The following ATP11A variants were observed in gnomAD, a reference collection of about 807,000 sequenced individuals.
ATP11A encodes ATPase phospholipid transporting 11A.
A neutral mutation model predicts 154.4 loss-of-function variants in ATP11A; 81 were observed. The ratio of observed to expected loss-of-function variants is 0.52; its 90% CI spans 0.44 to 0.63. The LOEUF (loss-of-function observed/expected upper bound fraction) is 0.63. Among genes scored for constraint, ATP11A ranks in the 30% least tolerant of loss-of-function variants. The pLI, the probability that ATP11A is intolerant of heterozygous loss-of-function variation, is 0.00. For missense variants in ATP11A, 1,316 were observed against 1,474.3 expected, an observed-to-expected ratio of 0.89 and a Z score of 1.76; for synonymous variants, 623 against 585.9, an observed-to-expected ratio of 1.06 and a Z score of -0.91.
chr13:112,875,694 A>G lies in ATP11A; in HGVS notation c.3162-82A>G. On this transcript the variant is annotated intron_variant, in intron 27 of 29. Coordinates refer to ENST00000375645, the MANE Select transcript of ATP11A (RefSeq NM_015205.3). The surrounding 1 kb of genome is among the most constrained non-coding windows in gnomAD (Gnocchi z 4.1). ...ACTGACAAAAGTGTAAACTCCCTGA[A>G]CAGACGGCCTCTCCAGTGAGTAGAG... 1.4e-6 allele frequency: 2 copies of G among 1,474,690 alleles called. No individual in the cohort carries two copies. Among genetic ancestry groups the G allele is most frequent in the Non-Finnish European group, 1.8e-6 (2 of 1,082,730 alleles). The allele number at this position is 1,474,690 out of a possible 1,614,324, so 91.4% of individuals were successfully genotyped here.
At chr13:112,735,170 G>GA (rs1890870589) in intron 1 of ATP11A, among the ~76,000 whole-genome samples, 1 of 152,210 alleles carries the variant, frequency 6.6e-6, no homozygotes, top group Non-Finnish European at 1.5e-5. Context: ...ATACACTGGG[G>GA]AAAATAAACT....
At position 112,797,126 on chromosome 13, in the gene ATP11A, T is replaced by A. The variant is rs541553464; in HGVS notation, c.163-7831T>A. Among the ~76,000 whole-genome samples the A allele has an allele frequency of 9.2e-4, 140 of 151,548 alleles. 1 individual carries two copies. Among genetic ancestry groups the A allele is most frequent in the African/African-American group, 2.0e-3 (82 of 41,358 alleles). Reference sequence around the variant, plus strand: ...AAATACAAAAAATAAAAATTTTTTTTAAAAAAATTAGCCAGGTGTGGTGGC... The same window carrying A: ...AAATACAAAAAATAAAAATTTTTTTAAAAAAAATTAGCCAGGTGTGGTGGC... On this transcript the variant is annotated intron_variant, in intron 2 of 29. Coordinates refer to ENST00000375645, the MANE Select transcript of ATP11A (RefSeq NM_015205.3).
chr13:112,851,592 A>G (rs1238577111), intron 18 of ATP11A: 1 of 166,562 alleles, frequency 6.0e-6, no homozygotes, highest in Non-Finnish European at 1.3e-5. Context: ...CACCATCACA[A>G]CTCACTGCAG....
At chr13:112,734,187 T>A (rs1055637473) in intron 1 of ATP11A, among the ~76,000 whole-genome samples, 3 of 152,154 alleles carry the variant, frequency 2.0e-5, no homozygotes, top group Admixed American at 2.0e-4. Flanking sequence ...CTAAGCCCTC[T>A]GGACGTGGCC....
At chr13:112,729,163 C>T (rs1430908075) in intron 1 of ATP11A, among the ~76,000 whole-genome samples, 2 of 152,308 alleles carry the variant, frequency 1.3e-5, no homozygotes, top group Non-Finnish European at 2.9e-5. Flanking sequence ...TTTCTGTTAG[C>T]GTATCATCCC....
At chr13:112,847,359 A>G (rs2079639518) in intron 17 of ATP11A, among the ~76,000 whole-genome samples, 2 of 152,154 alleles carry the variant, frequency 1.3e-5, no homozygotes, top group South Asian at 4.1e-4. Flanking sequence ...ATTTGCCACC[A>G]CTGTGTTTTT....
chr13:112,750,578 G>T (rs1400534402), intron 1 of ATP11A, among the ~76,000 whole-genome samples: 1 of 143,704 alleles, frequency 7.0e-6, no homozygotes, highest in Non-Finnish European at 1.5e-5. Flanking sequence ...GTGAATTTCT[G>T]TCTTAGGGAA....
At chr13:112,761,303 A>C (rs2076956646) in intron 1 of ATP11A, among the ~76,000 whole-genome samples, 1 of 152,248 alleles carries the variant, frequency 6.6e-6, no homozygotes, top group African/African-American at 2.4e-5. Context: ...TCTCGACTTA[A>C]TAAGGAAAAA....
chr13:112,787,813 C>T (rs1489494963), intron 2 of ATP11A, among the ~76,000 whole-genome samples: 1 of 142,022 alleles, frequency 7.0e-6, no homozygotes, highest in Non-Finnish European at 1.5e-5. Context: ...TGGAGACCTA[C>T]TTAATTCACA....
intron 1 of ATP11A, among the ~76,000 whole-genome samples, chr13:112,715,357 T>TGGCCCACCTCCCC: frequency 3.5e-5 from 1 of 28,572 alleles, no homozygotes; most frequent in South Asian, 1.7e-3. Context: ...GCCAATCCCC[T>TGGCCCACCTCCCC]ACACCTGGCC....
chr13:112,784,545 A>G (rs1159294465), intron 1 of ATP11A, among the ~76,000 whole-genome samples: 4 of 143,694 alleles, frequency 2.8e-5, no homozygotes, highest in Admixed American at 7.0e-5. Context: ...TTTTTTTGAG[A>G]CAGAGTCTCG....
intron 1 of ATP11A, among the ~76,000 whole-genome samples, chr13:112,776,516 G>A (rs939826779): frequency 6.6e-6 from 1 of 152,218 alleles, no homozygotes; most frequent in Admixed American, 6.5e-5. Flanking sequence ...GAGTTTGCAC[G>A]CTGTGCTCCG....
At chr13:112,743,225 CATCGTGAAAAAA>C (rs1176732258) in intron 1 of ATP11A, among the ~76,000 whole-genome samples, 1 of 152,126 alleles carries the variant, frequency 6.6e-6, no homozygotes, top group Non-Finnish European at 1.5e-5. Flanking sequence ...GTATTTTCAC[CATCGTGAAAAAA>C]ATATGGCTGT....
intron 1 of ATP11A, among the ~76,000 whole-genome samples, chr13:112,723,627 G>A (rs1468848599): frequency 6.6e-6 from 1 of 151,840 alleles, no homozygotes; most frequent in East Asian, 2.0e-4. Flanking sequence ...CTGGTCAGTT[G>A]TGTCTAAACC....
chr13:112,867,467 A>T (rs1005594591), intron 25 of ATP11A, among the ~76,000 whole-genome samples: 1 of 152,226 alleles, frequency 6.6e-6, no homozygotes, highest in African/African-American at 2.4e-5. Flanking sequence ...CTAGGAGGGC[A>T]GCCCGGCTGT....
At chr13:112,723,179 G>T (rs979941224) in intron 1 of ATP11A, among the ~76,000 whole-genome samples, 2 of 150,856 alleles carry the variant, frequency 1.3e-5, no homozygotes, top group African/African-American at 4.9e-5. Flanking sequence ...ACAGAGTCTG[G>T]TTTTTTTTCT....
chr13:112,720,747 G>C (rs1889066777), intron 1 of ATP11A, among the ~76,000 whole-genome samples: 1 of 152,018 alleles, frequency 6.6e-6, no homozygotes, highest in African/African-American at 2.4e-5. Flanking sequence ...TTGTAGAGAT[G>C]GGGTTTCACC....
At chr13:112,698,540 G>A (rs766061050) in intron 1 of ATP11A, among the ~76,000 whole-genome samples, 2 of 152,182 alleles carry the variant, frequency 1.3e-5, no homozygotes, top group Non-Finnish European at 2.9e-5. Context: ...AGCCCGACCT[G>A]AGAGAGGGTG....
chr13:112,761,145 G>C (rs1034993096), intron 1 of ATP11A, among the ~76,000 whole-genome samples: 4 of 152,102 alleles, frequency 2.6e-5, no homozygotes, highest in African/African-American at 9.7e-5. Flanking sequence ...TCGGTTATCA[G>C]ATCCGTGGTC....
Sources: gnomAD v4.1 joint callset for allele counts (sites outside exome capture counted in the v4.1 genomes callset) on GRCh38, gnomAD v4.1.1 for gene constraint, Gnocchi (gnomAD v3.1) non-coding constraint, MANE v1.5 for transcripts, NCBI Gene and HGNC (gene_info 2026-07-23, HGNC 2026-07-21) for gene names.